The following HMGB1 variants were observed in gnomAD, a reference collection of about 807,000 sequenced individuals.
HMGB1 encodes high mobility group box 1, also known as high mobility group protein B1.
For synonymous variants in HMGB1, 81 were observed against 84.0 expected (o/e 0.96, Z 0.19); for missense variants, 79 against 253.5 (o/e 0.31, Z 4.67).
chr13:30,470,050 T>G (rs1292608328), upstream of HMGB1, among the ~76,000 whole-genome samples: 1 of 152,100 alleles, frequency 6.6e-6, no homozygotes, highest in Non-Finnish European at 1.5e-5. Flanking sequence ...AGTGCTGGGA[T>G]GACAGGCATG....
chr13:30,556,428 T>C (rs1869693186), intron 1 of HMGB1, among the ~76,000 whole-genome samples: 1 of 152,048 alleles, frequency 6.6e-6, no homozygotes, highest in South Asian at 2.1e-4. Flanking sequence ...AAACAAGTCA[T>C]TGATAGTATA....
chr13:30,537,991 T>C (rs1249782273), intron 1 of HMGB1, among the ~76,000 whole-genome samples: 2 of 152,140 alleles, frequency 1.3e-5, no homozygotes, highest in African/African-American at 2.4e-5. Context: ...ACCCAAACTT[T>C]CTAAGACCAA....
chr13:30,531,802 C>G (rs1344577037), intron 1 of HMGB1, among the ~76,000 whole-genome samples: 2 of 151,660 alleles, frequency 1.3e-5, no homozygotes, highest in Non-Finnish European at 2.9e-5. Flanking sequence ...GAGGCTGAAG[C>G]AGGAGAATGG....
At chr13:30,537,652 C>CTTATATATATAT (rs1555238610) in intron 1 of HMGB1, among the ~76,000 whole-genome samples, 2 of 68,004 alleles carry the variant, frequency 2.9e-5, no homozygotes, top group African/African-American at 3.7e-5. Context: ...CATTCTTGTT[C>CTTATATATATAT]ATATATATAT....
chr13:30,613,635 T>C (rs905319908), intron 1 of HMGB1, among the ~76,000 whole-genome samples: 1 of 152,228 alleles, frequency 6.6e-6, no homozygotes, highest in Admixed American at 6.5e-5. Flanking sequence ...TACATACTTA[T>C]GCATATTATG....
chr13:30,607,590 A>G (rs1950472977), intron 1 of HMGB1, among the ~76,000 whole-genome samples: 2 of 152,002 alleles, frequency 1.3e-5, no homozygotes, highest in Non-Finnish European at 2.9e-5. Context: ...AGTTCTTTAC[A>G]GCAGTGTGAA....
intron 1 of HMGB1, among the ~76,000 whole-genome samples, chr13:30,524,938 G>T (rs1461675901): frequency 6.6e-6 from 1 of 152,088 alleles, no homozygotes; most frequent in Admixed American, 6.6e-5. Context: ...TCACATAGTA[G>T]ATATCCAACA....
chr13:30,481,355 C>A (rs569465946), intron 1 of HMGB1, among the ~76,000 whole-genome samples: 2 of 151,924 alleles, frequency 1.3e-5, no homozygotes, highest in African/African-American at 4.8e-5. Flanking sequence ...GGCTGGAGAG[C>A]GGAAGCCAAT....
At chr13:30,599,950 A>G (rs1298700091) in intron 1 of HMGB1, among the ~76,000 whole-genome samples, 1 of 152,180 alleles carries the variant, frequency 6.6e-6, no homozygotes. Context: ...TAAATGTCAT[A>G]CCCAAATGAA....
chr13:30,457,832 G>C lies in HMGB1; in HGVS notation c.*3525C>G, dbSNP rs1886054027. On this transcript the variant is annotated 3_prime_UTR_variant, in exon 5 of 5. Coordinates refer to ENST00000341423, the MANE Select transcript of HMGB1 (RefSeq NM_002128.7). ...GGCATAGACCCATGGAATTTCCCAA[G>C]TTGTGGCAAGTGTTATTAGCACTGC... The C allele has an allele frequency of 1.3e-5, 2 of 152,196 alleles. No individual in the cohort carries two copies. Among genetic ancestry groups the C allele is most frequent in the Admixed American group, 1.3e-4 (2 of 15,282 alleles). The allele number at this position is 152,196 out of a possible 1,614,324, so 9.4% of individuals were successfully genotyped here.
chr13:30,543,050 T>C (rs1868966546), intron 1 of HMGB1: 2 of 152,028 alleles, frequency 1.3e-5, no homozygotes, highest in South Asian at 4.2e-4. Context: ...CTATGTGGGT[T>C]TTCTCCAAAG....
intron 1 of HMGB1, among the ~76,000 whole-genome samples, chr13:30,603,728 A>T (rs910192757): frequency 1.3e-4 from 20 of 152,248 alleles, no homozygotes; most frequent in Admixed American, 1.2e-3. Flanking sequence ...AAAGTCCTTT[A>T]CATAAAATGG....
chr13:30,534,056 G>A (rs1451012151), intron 1 of HMGB1, among the ~76,000 whole-genome samples: 1 of 152,080 alleles, frequency 6.6e-6, no homozygotes, highest in African/African-American at 2.4e-5. Flanking sequence ...TGGAGACAGG[G>A]TTTCTCCATG....
At chr13:30,517,932 T>C (rs1051949529) in intron 1 of HMGB1, among the ~76,000 whole-genome samples, 3 of 152,212 alleles carry the variant, frequency 2.0e-5, no homozygotes, top group Admixed American at 6.5e-5. Context: ...AGATTCTCAC[T>C]TGTGTTTGCT....
intron 1 of HMGB1, among the ~76,000 whole-genome samples, chr13:30,589,598 G>T (rs1393011806): frequency 2.0e-5 from 3 of 152,168 alleles, no homozygotes; most frequent in Non-Finnish European, 2.9e-5. Context: ...GCTGTGCATG[G>T]TGGCTCATGC....
At chr13:30,487,466 T>C (rs540419454) in intron 1 of HMGB1, among the ~76,000 whole-genome samples, 19 of 152,276 alleles carry the variant, frequency 1.2e-4, no homozygotes, top group Non-Finnish European at 2.5e-4. Flanking sequence ...TTTGCATTTA[T>C]GCAGAGGGTT....
At chr13:30,604,993 G>T (rs576470649) in intron 1 of HMGB1, among the ~76,000 whole-genome samples, 2 of 152,276 alleles carry the variant, frequency 1.3e-5, no homozygotes, top group South Asian at 4.1e-4. Flanking sequence ...CATATTCGCT[G>T]AGGGATTAAA....
intron 1 of HMGB1, among the ~76,000 whole-genome samples, chr13:30,512,888 C>T (rs571966577): frequency 6.6e-6 from 1 of 152,170 alleles, no homozygotes; most frequent in Non-Finnish European, 1.5e-5. Flanking sequence ...TAGGGCCGCA[C>T]ACAGTGGCTC....
chr13:30,511,912 C>T (rs1369171009), intron 1 of HMGB1, among the ~76,000 whole-genome samples: 3 of 150,020 alleles, frequency 2.0e-5, no homozygotes, highest in Non-Finnish European at 4.4e-5. Context: ...CCTTAGCCTA[C>T]CCTCCTGGTC....
Sources: allele counts gnomAD v4.1 joint callset (sites outside exome capture counted in the v4.1 genomes callset), GRCh38; gene constraint gnomAD v4.1.1; transcripts MANE v1.5; gene names NCBI Gene and HGNC (gene_info 2026-07-23, HGNC 2026-07-21).